Variants in PITPNM3 observed in about 807,000 individuals in gnomAD.
The protein encoded by PITPNM3 is membrane-associated phosphatidylinositol transfer protein 3.
A neutral mutation model predicts 102.0 loss-of-function variants in PITPNM3; 26 were observed. The ratio of observed to expected loss-of-function variants is 0.25; its 90% CI spans 0.19 to 0.35. The LOEUF (loss-of-function observed/expected upper bound fraction) is 0.35. Among genes scored for constraint, PITPNM3 ranks in the 10% least tolerant of loss-of-function variants. The pLI, the probability that PITPNM3 is intolerant of heterozygous loss-of-function variation, is 1.00. For synonymous variants in PITPNM3, 578 were observed against 558.6 expected, an observed-to-expected ratio of 1.03 and a Z score of -0.49; for missense variants, 1,083 against 1,346.1, an observed-to-expected ratio of 0.80 and a Z score of 3.06.
chr17:6,487,197 G>T (rs2150586529), intron 4 of PITPNM3, among the ~76,000 whole-genome samples: 1 of 152,326 alleles, frequency 6.6e-6, no homozygotes, highest in East Asian at 1.9e-4. Context: ...CCTGGATCCA[G>T]AACGCCTGAG....
At position 6,457,675 on chromosome 17, in the gene PITPNM3, A is replaced by C; in HGVS notation, c.2538T>G (p.Ser846=). The C allele has an allele frequency of 6.2e-7, 1 of 1,607,818 alleles. No homozygotes were observed. ...CAGGCAGGCCCAGCACGCTGTAGACAGAGATGTCCTTCGTGGAGCCATAGG... is the reference window on the plus strand; with the variant it reads ...CAGGCAGGCCCAGCACGCTGTAGACCGAGATGTCCTTCGTGGAGCCATAGG... ...SAAYGSTKDI[S]VYSVLGLPAS... is the part of the protein sequence containing the mutation. The change falls in exon 19 of 20, where the codon TCT becomes TCG. Residue 846 remains serine, a synonymous_variant. Transcript: ENST00000262483. The surrounding 1 kb of genome is among the most constrained non-coding windows in gnomAD (Gnocchi z 4.7).
At chr17:6,553,022 G>C (rs950642452) in intron 1 of PITPNM3, among the ~76,000 whole-genome samples, 4 of 150,808 alleles carry the variant, frequency 2.7e-5, no homozygotes, top group Admixed American at 1.3e-4. Flanking sequence ...TGCCCGCCTC[G>C]GCGTCCCAAA....
At chr17:6,480,084 G>A (rs7208198) in intron 6 of PITPNM3, 21,334 of 152,294 alleles carry the variant, frequency 0.14, 1,824 homozygotes, top group Non-Finnish European at 0.19. Context: ...CAGTTCAGCA[G>A]TGAGCAGGTG....
At chr17:6,482,805 T>G (rs1408121742) in intron 6 of PITPNM3, among the ~76,000 whole-genome samples, 1 of 152,120 alleles carries the variant, frequency 6.6e-6, no homozygotes, top group East Asian at 1.9e-4. Context: ...CTGTGTTGAC[T>G]GTTATGGTGT....
intron 2 of PITPNM3, among the ~76,000 whole-genome samples, chr17:6,530,223 C>T (rs188533748): frequency 7.4e-4 from 113 of 152,354 alleles, no homozygotes; most frequent in Non-Finnish European, 6.3e-4. Context: ...CCCCTTCTCT[C>T]ACCCTTGGGG....
chr17:6,513,670 T>C (rs1034971636), intron 3 of PITPNM3, among the ~76,000 whole-genome samples: 3 of 152,316 alleles, frequency 2.0e-5, no homozygotes, highest in Non-Finnish European at 2.9e-5. Flanking sequence ...TAAAGACATC[T>C]CACGTTCATG....
chr17:6,534,963 G>A (rs1302635288), intron 2 of PITPNM3, among the ~76,000 whole-genome samples: 5 of 152,090 alleles, frequency 3.3e-5, no homozygotes, highest in African/African-American at 7.2e-5. Context: ...ACACAGAGAA[G>A]GTCACCTGTG....
At chr17:6,516,867 T>TA (rs930960029) in intron 3 of PITPNM3, among the ~76,000 whole-genome samples, 1 of 151,400 alleles carries the variant, frequency 6.6e-6, no homozygotes, top group African/African-American at 2.4e-5. Flanking sequence ...CTGTCTCTAT[T>TA]AAAAAAAGAA....
intron 1 of PITPNM3, among the ~76,000 whole-genome samples, chr17:6,549,495 C>A (rs1910195450): frequency 6.6e-6 from 1 of 152,198 alleles, no homozygotes. Context: ...GAGTCATGGA[C>A]AGAGGAGGCT....
Position 6,489,329 on chromosome 17 carries a change from A to AC in PITPNM3, c.275-5038dup, listed in dbSNP as rs547064406. On this transcript the variant is annotated intron_variant, in intron 4 of 19. Transcript: ENST00000262483. ...TCCTCCATCCTTGGCAGTCACTCCCACCCCCCGTTAGTCACCCCTGGCATC... is the reference window on the plus strand; with the variant it reads ...TCCTCCATCCTTGGCAGTCACTCCCACCCCCCCGTTAGTCACCCCTGGCATC... Among the ~76,000 whole-genome samples the AC allele has an allele frequency of 1.8e-4, 18 of 97,712 alleles. No individual in the cohort carries two copies. The South Asian group carries it at 4.9e-3, about 26-fold the overall frequency. 64.1% of individuals were successfully genotyped at this position (97,712 alleles called of 152,430 possible).
intron 4 of PITPNM3, among the ~76,000 whole-genome samples, chr17:6,491,094 AGGGAGGGGAG>A (rs1204613479): frequency 4.8e-5 from 1 of 21,008 alleles, no homozygotes; most frequent in Non-Finnish European, 8.4e-5. Flanking sequence ...GGGGAAGGGA[AGGGAGGGGAG>A]GGGAGGGGAG....
At chr17:6,530,982 T>G (rs1001945550) in intron 2 of PITPNM3, among the ~76,000 whole-genome samples, 1 of 152,176 alleles carries the variant, frequency 6.6e-6, no homozygotes, top group African/African-American at 2.4e-5. Context: ...CCCACGGCCA[T>G]GCAGAACCTC....
intron 4 of PITPNM3, among the ~76,000 whole-genome samples, chr17:6,486,097 C>G (rs1906077673): frequency 6.6e-6 from 1 of 152,142 alleles, no homozygotes; most frequent in Non-Finnish European, 1.5e-5. Flanking sequence ...CAACAGCCAC[C>G]CCTGAGCCCC....
intron 4 of PITPNM3, among the ~76,000 whole-genome samples, chr17:6,490,688 G>T (rs1197885189): frequency 6.6e-6 from 1 of 151,964 alleles, no homozygotes; most frequent in Non-Finnish European, 1.5e-5. Context: ...GGGCGCAGTG[G>T]CTCATGCCTA....
intron 4 of PITPNM3, among the ~76,000 whole-genome samples, chr17:6,499,856 A>C (rs12950615): frequency 2.6e-5 from 4 of 151,874 alleles, no homozygotes; most frequent in African/African-American, 9.7e-5. Flanking sequence ...TCAGCCTCCC[A>C]AGTAGCTGGG....
At chr17:6,519,175 A>G (rs1478096451) in intron 3 of PITPNM3, among the ~76,000 whole-genome samples, 2 of 74,620 alleles carry the variant, frequency 2.7e-5, no homozygotes, top group African/African-American at 1.1e-4. Flanking sequence ...GTCTCTACTA[A>G]AAATACAAAA....
chr17:6,465,608 A>G (rs984291480), intron 14 of PITPNM3, among the ~76,000 whole-genome samples: 20 of 152,194 alleles, frequency 1.3e-4, no homozygotes, highest in African/African-American at 4.8e-4. Context: ...ACTCGTGGCC[A>G]TCCTGGTTTC....
chr17:6,533,015 T>A (rs1909225120), intron 2 of PITPNM3, among the ~76,000 whole-genome samples: 1 of 152,090 alleles, frequency 6.6e-6, no homozygotes, highest in Non-Finnish European at 1.5e-5. Flanking sequence ...CAGGCTGGAG[T>A]ACAATGGCGC....
chr17:6,514,483 T>C (rs1031152196), intron 3 of PITPNM3, among the ~76,000 whole-genome samples: 5 of 152,036 alleles, frequency 3.3e-5, no homozygotes, highest in South Asian at 4.1e-4. Flanking sequence ...AAACAAACGA[T>C]GAATAAGCAC....
Sources: allele counts gnomAD v4.1 joint callset (sites outside exome capture counted in the v4.1 genomes callset), GRCh38; gene constraint gnomAD v4.1.1; non-coding constraint Gnocchi (gnomAD v3.1); transcripts MANE v1.5; gene names NCBI Gene and HGNC (gene_info 2026-07-23, HGNC 2026-07-21).